The following DOK5 variants were observed in gnomAD, a reference collection of about 807,000 sequenced individuals.
DOK5 encodes downstream of tyrosine kinase 5.
A neutral mutation model predicts 43.3 loss-of-function variants in DOK5; 27 were observed. That is an observed-to-expected ratio of 0.62 (90% CI 0.46 to 0.86). The LOEUF is 0.86. DOK5 is among the 40% of genes least tolerant of loss of function. The pLI, the probability that DOK5 is intolerant of heterozygous loss-of-function variation, is 0.00. For synonymous variants in DOK5, 146 were observed against 140.1 expected, an observed-to-expected ratio of 1.04 and a Z score of -0.30; for missense variants, 373 against 392.9, an observed-to-expected ratio of 0.95 and a Z score of 0.43.
chr20:54,562,659 TCTCC>T (rs1389421605), intron 2 of DOK5, among the ~76,000 whole-genome samples: 2 of 152,054 alleles, frequency 1.3e-5, no homozygotes, highest in East Asian at 3.9e-4. Flanking sequence ...CTCAAGTGAT[TCTCC>T]CTCCTTGGCC....
intron 1 of DOK5, among the ~76,000 whole-genome samples, chr20:54,546,194 A>G (rs926691198): frequency 3.3e-5 from 5 of 152,230 alleles, no homozygotes; most frequent in Non-Finnish European, 7.3e-5. Context: ...TCTGCCAAAC[A>G]GGAATGTTGG....
chr20:54,522,931 T>A (rs1386015401), intron 1 of DOK5, among the ~76,000 whole-genome samples: 1 of 152,216 alleles, frequency 6.6e-6, no homozygotes, highest in Non-Finnish European at 1.5e-5. Flanking sequence ...AAACAAATTC[T>A]CCTTTTCTTA....
At chr20:54,642,747 C>CA (rs1383001792) in intron 6 of DOK5, among the ~76,000 whole-genome samples, 1 of 151,694 alleles carries the variant, frequency 6.6e-6, no homozygotes, top group Non-Finnish European at 1.5e-5. Context: ...CAAAACAAAA[C>CA]AGAAAAACCC....
chr20:54,510,190 AC>A (rs1982968431), intron 1 of DOK5, among the ~76,000 whole-genome samples: 1 of 152,178 alleles, frequency 6.6e-6, no homozygotes, highest in African/African-American at 2.4e-5. Flanking sequence ...GCTATAATAA[AC>A]AAAGCTATTC....
At chr20:54,480,129 T>C (rs76055150) in intron 1 of DOK5, among the ~76,000 whole-genome samples, 3,579 of 152,236 alleles carry the variant, frequency 0.024, 120 homozygotes, top group African/African-American at 0.081. Context: ...AGAAAGGTCA[T>C]GTCACCTGGC....
chr20:54,502,690 T>C (rs1307013408), intron 1 of DOK5, among the ~76,000 whole-genome samples: 1 of 152,196 alleles, frequency 6.6e-6, no homozygotes, highest in African/African-American at 2.4e-5. Context: ...ATATGCGCTA[T>C]CCATTATTCT....
intron 1 of DOK5, among the ~76,000 whole-genome samples, chr20:54,525,316 A>G (rs1049208907): frequency 1.3e-5 from 2 of 152,230 alleles, no homozygotes; most frequent in Non-Finnish European, 2.9e-5. Context: ...TAATTGGGTC[A>G]AGATGAATTC....
chr20:54,517,630 T>C (rs925719671), intron 1 of DOK5, among the ~76,000 whole-genome samples: 1 of 152,176 alleles, frequency 6.6e-6, no homozygotes, highest in Non-Finnish European at 1.5e-5. Context: ...ATGATAGTGT[T>C]GGTGGTGATG....
At chr20:54,570,299 A>G (rs1337782602) in intron 2 of DOK5, among the ~76,000 whole-genome samples, 1 of 152,230 alleles carries the variant, frequency 6.6e-6, no homozygotes, top group South Asian at 2.1e-4. Flanking sequence ...GGACTCAGAA[A>G]TGGATGGTTT....
intron 1 of DOK5, among the ~76,000 whole-genome samples, chr20:54,516,975 T>C (rs1157956938): frequency 6.6e-6 from 1 of 152,234 alleles, no homozygotes; most frequent in Admixed American, 6.5e-5. Context: ...CCGAGTTCCT[T>C]GAAAGCCATG....
At chr20:54,636,338 C>G (rs1468496587) in intron 6 of DOK5, among the ~76,000 whole-genome samples, 1 of 152,182 alleles carries the variant, frequency 6.6e-6, no homozygotes, top group Admixed American at 6.5e-5. Flanking sequence ...CTCAGTTCTT[C>G]TAAGATTTAG....
chr20:54,517,072 AAAAT>A (rs2146692866), intron 1 of DOK5, among the ~76,000 whole-genome samples: 1 of 152,238 alleles, frequency 6.6e-6, no homozygotes, highest in East Asian at 1.9e-4. Flanking sequence ...TGAGAGTTTG[AAAAT>A]AATGTTGTGT....
intron 5 of DOK5, among the ~76,000 whole-genome samples, chr20:54,604,861 C>A (rs113419955): frequency 2.6e-5 from 4 of 151,762 alleles, no homozygotes; most frequent in Non-Finnish European, 5.9e-5. Flanking sequence ...ATTACCCAGG[C>A]GTGGTGGCAG....
intron 2 of DOK5, among the ~76,000 whole-genome samples, chr20:54,560,986 C>A (rs1984884838): frequency 6.6e-6 from 1 of 152,156 alleles, no homozygotes; most frequent in Admixed American, 6.5e-5. Flanking sequence ...TTCTGTTATT[C>A]AAGGCAGAAG....
chr20:54,528,002 T>G (rs1016905441), intron 1 of DOK5, among the ~76,000 whole-genome samples: 1 of 152,130 alleles, frequency 6.6e-6, no homozygotes, highest in Non-Finnish European at 1.5e-5. Flanking sequence ...AGGTCAGGTA[T>G]TTGAGACCAG....
At chr20:54,540,453 G>A (rs78717409) in intron 1 of DOK5, among the ~76,000 whole-genome samples, 3 of 152,082 alleles carry the variant, frequency 2.0e-5, no homozygotes, top group Non-Finnish European at 4.4e-5. Flanking sequence ...CCACCTAGCT[G>A]GATGGTATGA....
At chr20:54,497,675 T>C (rs1359778097) in intron 1 of DOK5, among the ~76,000 whole-genome samples, 1 of 152,216 alleles carries the variant, frequency 6.6e-6, no homozygotes, top group Non-Finnish European at 1.5e-5. Flanking sequence ...TGTCCACATA[T>C]ATATTTCTGC....
At chr20:54,504,798 C>T (rs1186643995) in intron 1 of DOK5, among the ~76,000 whole-genome samples, 1 of 152,128 alleles carries the variant, frequency 6.6e-6, no homozygotes, top group Non-Finnish European at 1.5e-5. Context: ...ATGTTGTGTG[C>T]ATCAAAGGCT....
rs529842100 is a variant in DOK5, at chr20:54,596,614, T to G, written c.599+4809T>G. Among the ~76,000 whole-genome samples, 24 of 152,336 alleles carry G rather than the reference T, an allele frequency of 1.6e-4. No individual in the cohort carries two copies. The South Asian group carries it at 2.7e-3, about 17-fold the overall frequency. ...ATATGTCACTTAACTCACCGAGCTT[T>G]TTTTCATTGCCACCTGTAAATTGGG... On this transcript the variant is annotated intron_variant, in intron 5 of 7. Coordinates refer to ENST00000262593, the MANE Select transcript of DOK5 (RefSeq NM_018431.5).
Sources: allele counts gnomAD v4.1 joint callset (sites outside exome capture counted in the v4.1 genomes callset), GRCh38; gene constraint gnomAD v4.1.1; transcripts MANE v1.5; gene names NCBI Gene and HGNC (gene_info 2026-07-23, HGNC 2026-07-21).